The following DACH2 variants were observed in gnomAD, a reference collection of about 807,000 sequenced individuals.
DACH2 encodes dachshund family transcription factor 2, also known as dachshund homolog 2.
Under a neutral mutation model 35.8 loss-of-function variants are expected in DACH2, and 17 were observed. That is an observed-to-expected ratio of 0.48 (90% CI 0.33 to 0.71). The LOEUF (loss-of-function observed/expected upper bound fraction) is 0.71, where lower values mean the gene tolerates loss of function less well. Among genes scored for constraint, DACH2 ranks in the 30% least tolerant of loss-of-function variants. DACH2 has a pLI of 0.02. For synonymous variants in DACH2, 195 were observed against 177.3 expected, an observed-to-expected ratio of 1.10 and a Z score of -0.79; for missense variants, 469 against 472.7, an observed-to-expected ratio of 0.99 and a Z score of 0.07.
chrX:86,540,737 A>T (rs1016557607), intron 3 of DACH2, among the ~76,000 whole-genome samples: 2 of 111,665 alleles, frequency 1.8e-5, no homozygotes, highest in Non-Finnish European at 3.8e-5. Context: ...TATTTGCTTT[A>T]TGTTGTAATT....
chrX:86,230,643 A>G (rs2032928775), intron 1 of DACH2, among the ~76,000 whole-genome samples: 2 of 111,244 alleles, frequency 1.8e-5, no homozygotes, highest in Middle Eastern at 4.6e-3. Context: ...TAATTTTTAA[A>G]TTACCATTTC....
At chrX:86,453,779 T>A (rs1187779278) in intron 2 of DACH2, among the ~76,000 whole-genome samples, 2 of 111,865 alleles carry the variant, frequency 1.8e-5, no homozygotes, top group African/African-American at 6.5e-5. Context: ...TGCTGCTCTG[T>A]GTTTTTTAAC....
intron 1 of DACH2, among the ~76,000 whole-genome samples, chrX:86,225,421 C>T (rs2147927658): frequency 9.0e-6 from 1 of 110,962 alleles, no homozygotes; most frequent in Non-Finnish European, 1.9e-5. Context: ...CTGGGAATTA[C>T]CTAGTTTTAG....
rs759582185 is a variant in DACH2 at position 86,387,687 on chromosome X, C to T, written c.527+10825C>T. Among the ~76,000 whole-genome samples the T allele has an allele frequency of 5.2e-4, 58 of 111,954 alleles. 1 individual carries two copies. Among genetic ancestry groups the T allele is most frequent in the Non-Finnish European group, 9.8e-4 (52 of 53,158 alleles). On this transcript the variant is annotated intron_variant, in intron 2 of 11. Transcript: ENST00000373125. Reference sequence around the variant, plus strand: ...TAAGCACTGTAAAGGTCGGGACCATCCCTTTGTTTTGCTAACCATTGTCTC... The same window carrying T: ...TAAGCACTGTAAAGGTCGGGACCATTCCTTTGTTTTGCTAACCATTGTCTC...
chrX:86,370,360 G>T lies in DACH2; in HGVS notation c.489-6464G>T, dbSNP rs183452303. 7.5e-4 allele frequency among the ~76,000 whole-genome samples: 84 copies of T among 111,652 alleles called. 2 individuals carry two copies. The East Asian group carries it at 0.022, about 29-fold the overall frequency. On this transcript the variant is annotated intron_variant, in intron 1 of 11. Transcript: ENST00000373125. ...TGATAAAGCAGTAATTGTGTCCAAC[G>T]TTTTAAGGGCTGCAGAGTATATCTA...
At chrX:86,624,060 CAAAA>C (rs34140706) in intron 3 of DACH2, among the ~76,000 whole-genome samples, 2 of 36,064 alleles carry the variant, frequency 5.5e-5, no homozygotes, top group African/African-American at 2.0e-4. Context: ...AAAAACAAAA[CAAAA>C]AAAAAAAAAA....
chrX:86,323,242 A>G (rs1297986461), intron 1 of DACH2, among the ~76,000 whole-genome samples: 1 of 112,515 alleles, frequency 8.9e-6, no homozygotes, highest in Non-Finnish European at 1.9e-5. Flanking sequence ...TTCGCCTCAC[A>G]GAGGGACTAT....
intron 2 of DACH2, among the ~76,000 whole-genome samples, chrX:86,462,111 G>T (rs892818043): frequency 5.4e-5 from 6 of 110,482 alleles, no homozygotes; most frequent in Non-Finnish European, 1.1e-4. Context: ...ACCGTTGTTG[G>T]TTTTTTATTT....
intron 1 of DACH2, among the ~76,000 whole-genome samples, chrX:86,164,935 A>T (rs1244408587): frequency 1.0e-5 from 1 of 97,500 alleles, no homozygotes; most frequent in Non-Finnish European, 2.1e-5. Context: ...TTGGTTCTAT[A>T]TAAATTTTAA....
chrX:86,314,490 C>A (rs1181908817), intron 1 of DACH2, among the ~76,000 whole-genome samples: 2 of 110,809 alleles, frequency 1.8e-5, no homozygotes, highest in African/African-American at 3.3e-5. Context: ...TGCACTCCAA[C>A]CTGGGTTACA....
intron 3 of DACH2, among the ~76,000 whole-genome samples, chrX:86,573,242 G>A (rs773161003): frequency 9.0e-6 from 1 of 110,710 alleles, no homozygotes; most frequent in East Asian, 2.9e-4. Context: ...AGGGAGGGGA[G>A]AGGCAAAGAA....
intron 1 of DACH2, among the ~76,000 whole-genome samples, chrX:86,194,221 T>C (rs1218955655): frequency 8.9e-6 from 1 of 111,948 alleles, no homozygotes; most frequent in Non-Finnish European, 1.9e-5. Context: ...TGGTCAAAAA[T>C]AATGCTCATA....
intron 3 of DACH2, among the ~76,000 whole-genome samples, chrX:86,530,740 C>T (rs953096539): frequency 1.8e-5 from 2 of 111,871 alleles, no homozygotes; most frequent in African/African-American, 6.5e-5. Flanking sequence ...AATGTGGAAA[C>T]AACTTTGGAA....
chrX:86,559,820 G>C (rs2039180466), intron 3 of DACH2, among the ~76,000 whole-genome samples: 1 of 47,777 alleles, frequency 2.1e-5, no homozygotes, highest in Admixed American at 2.2e-4. Context: ...CTTTTATTTT[G>C]AGCCTATGTG....
At chrX:86,748,893 G>A (rs866172080) in intron 7 of DACH2, among the ~76,000 whole-genome samples, 2 of 111,449 alleles carry the variant, frequency 1.8e-5, no homozygotes, top group Non-Finnish European at 1.9e-5. Flanking sequence ...CTTCCTCAAT[G>A]ATCTTAGCTA....
At chrX:86,400,133 A>G (rs1041284734) in intron 2 of DACH2, among the ~76,000 whole-genome samples, 1 of 111,084 alleles carries the variant, frequency 9.0e-6, no homozygotes, top group Non-Finnish European at 1.9e-5. Context: ...CATTCATTTC[A>G]TCTTCCATCA....
At chrX:86,203,877 C>T (rs377086503) in intron 1 of DACH2, among the ~76,000 whole-genome samples, 3 of 111,138 alleles carry the variant, frequency 2.7e-5, no homozygotes, top group East Asian at 2.8e-4. Context: ...TAGGTGTCTA[C>T]GGGATTGTAA....
chrX:86,423,942 T>A (rs2036848509), intron 2 of DACH2, among the ~76,000 whole-genome samples: 2 of 111,012 alleles, frequency 1.8e-5, no homozygotes, highest in African/African-American at 6.5e-5. Context: ...GAAGAAACCA[T>A]CTTTACCCCA....
At chrX:86,300,329 TG>T (rs755045872) in intron 1 of DACH2, among the ~76,000 whole-genome samples, 1 of 112,380 alleles carries the variant, frequency 8.9e-6, no homozygotes, top group Admixed American at 9.5e-5. Flanking sequence ...ACTTTACTAA[TG>T]GATTTTCTCA....
Sources: gnomAD v4.1 joint callset for allele counts (sites outside exome capture counted in the v4.1 genomes callset) on GRCh38, gnomAD v4.1.1 for gene constraint, MANE v1.5 for transcripts, NCBI Gene and HGNC (gene_info 2026-07-23, HGNC 2026-07-21) for gene names.